Variants in KCNJ5 observed in about 807,000 individuals in gnomAD.
KCNJ5 encodes the protein G protein-activated inward rectifier potassium channel 4.
A neutral mutation model predicts 20.2 loss-of-function variants in KCNJ5; 12 were observed. The observed-to-expected ratio is 0.59, with a 90% CI of 0.38 to 0.96. The LOEUF (loss-of-function observed/expected upper bound fraction) is 0.96, where lower values mean the gene tolerates loss of function less well. KCNJ5 is among the 40% of genes least tolerant of loss of function. The pLI, the probability that KCNJ5 is intolerant of heterozygous loss-of-function variation, is 0.00. For missense variants in KCNJ5, 449 were observed against 557.6 expected (o/e 0.81, Z 1.96); for synonymous variants, 210 against 213.9 (o/e 0.98, Z 0.16).
chr11:128,900,313 C>T (rs1019715909), intron 1 of KCNJ5: 4 of 152,242 alleles, frequency 2.6e-5, no homozygotes, highest in African/African-American at 9.6e-5. Flanking sequence ...TAATCCTTCT[C>T]TCTCTGCCTT....
In KCNJ5 at chr11:128,919,380, C is replaced by T. The variant is rs2282513; in HGVS notation, c.*2649C>T. 0.19 allele frequency: 29,037 copies of T among 152,256 alleles called. 3,532 individuals carry two copies. Among genetic ancestry groups the T allele is most frequent in the Non-Finnish European group, 0.28 (18,939 of 68,024 alleles). 9.4% of individuals were successfully genotyped at this position (152,256 alleles called of 1,614,324 possible). A position where few individuals can be genotyped will look rare whatever the true frequency, so the allele number is the denominator to read the frequency against. ...GAAGCTCTGGCTAGAGGAGAGGAAGCGTGCAGAGGGTCCTCTGCCAAAGCT... is the reference window on the plus strand; with the variant it reads ...GAAGCTCTGGCTAGAGGAGAGGAAGTGTGCAGAGGGTCCTCTGCCAAAGCT... On this transcript the variant is annotated 3_prime_UTR_variant, in exon 3 of 3. Coordinates refer to ENST00000529694, the MANE Select transcript of KCNJ5 (RefSeq NM_000890.5).
chr11:128,897,184 G>A (rs1043244077), intron 1 of KCNJ5, among the ~76,000 whole-genome samples: 3 of 137,600 alleles, frequency 2.2e-5, no homozygotes, highest in East Asian at 2.3e-4. Context: ...TGCAACCTCC[G>A]CCTCCTGAGT....
intron 1 of KCNJ5, among the ~76,000 whole-genome samples, chr11:128,903,125 CT>C (rs563738287): frequency 6.9e-4 from 105 of 152,248 alleles, no homozygotes; most frequent in African/African-American, 2.3e-3. Flanking sequence ...CCACCACCCC[CT>C]ACCATGTCCC....
At chr11:128,904,643 T>TC (rs1394493179) in intron 1 of KCNJ5, 68 of 703,500 alleles carry the variant, frequency 9.7e-5, no homozygotes, top group Non-Finnish European at 1.4e-4. Flanking sequence ...TTTAGCCAGA[T>TC]CCCCAGGAAG....
chr11:128,912,668 G>A (rs1372543557), intron 2 of KCNJ5, among the ~76,000 whole-genome samples: 2 of 152,070 alleles, frequency 1.3e-5, no homozygotes, highest in Non-Finnish European at 2.9e-5. Context: ...CCGCCACTGC[G>A]CCTGGCTAAT....
chr11:128,903,623 T>A, intron 1 of KCNJ5: 1 of 1,166,900 alleles, frequency 8.6e-7, no homozygotes, highest in Non-Finnish European at 1.2e-6. Flanking sequence ...CTTCAGAGAG[T>A]GACGGGGCAC....
At chr11:128,895,387 C>T (rs71471483) in intron 1 of KCNJ5, among the ~76,000 whole-genome samples, 2 of 150,226 alleles carry the variant, frequency 1.3e-5, no homozygotes, top group African/African-American at 2.5e-5. Context: ...CCCCCACCCC[C>T]CCCCCAACCC....
At position 128,911,907 on chromosome 11, in the gene KCNJ5, G is replaced by A. The variant is rs1555145048; in HGVS notation, c.634G>A (p.Asp212Asn). The A allele has an allele frequency of 6.2e-7, 1 of 1,606,086 alleles. No homozygotes were observed. Among genetic ancestry groups the A allele is most frequent in the Non-Finnish European group, 8.5e-7 (1 of 1,174,264 alleles). ...FSNNAVISMR[D>N]EKLCLMFRVG... ...CAACAACGCAGTCATCTCCATGCGG[G>A]ACGAGAAGCTGTGCCTCATGTTCCG... is the stretch of plus-strand genomic sequence containing the variant. The change falls in exon 2 of 3, where the codon GAC (aspartate) becomes AAC (asparagine). Residue 212 changes from aspartate to asparagine, a missense_variant. Asp to Asn is a conservative substitution (Grantham distance 23, BLOSUM62 1). Around this residue, in one of 5 missense-constraint regions of KCNJ5, gnomAD observed 145 missense variants for 166.2 expected, o/e 0.87. Transcript: ENST00000529694. This position sits in a 1 kb window ranked among gnomAD's most constrained non-coding sequence, Gnocchi z 6.3.
chr11:128,891,441 C>CACACACAGAG lies in KCNJ5; in HGVS notation c.-290_-289insCACACAGAGA, dbSNP rs1160699929. ...ACACACACACACACACACACACACA[C>CACACACAGAG]AGAGAGAGAGAGAGAGAGAGAGAGA... is the stretch of plus-strand genomic sequence containing the variant. On this transcript the variant is annotated 5_prime_UTR_variant, in exon 1 of 3. Coordinates refer to ENST00000529694, the MANE Select transcript of KCNJ5 (RefSeq NM_000890.5). The CACACACAGAG allele has an allele frequency of 1.8e-5, 1 of 54,936 alleles. No homozygotes were observed. Among genetic ancestry groups the CACACACAGAG allele is most frequent in the East Asian group, 5.6e-4 (1 of 1,786 alleles). The allele number at this position is 54,936 out of a possible 1,614,324, so 3.4% of individuals were successfully genotyped here. A position where few individuals can be genotyped will look rare whatever the true frequency, so the allele number is the denominator to read the frequency against.
intron 1 of KCNJ5, among the ~76,000 whole-genome samples, chr11:128,899,313 T>C (rs4937384): frequency 0.2 from 30,060 of 152,228 alleles, 3,797 homozygotes; most frequent in East Asian, 0.45. Flanking sequence ...ATTGGGTATA[T>C]GGTACAGCCC....
At chr11:128,902,265 C>T (rs1323794750) in intron 1 of KCNJ5, 1 of 478,782 alleles carries the variant, frequency 2.1e-6, no homozygotes, top group Admixed American at 3.6e-5. Flanking sequence ...GCGCCAGGAA[C>T]CAGCTCAGGA....
At chr11:128,914,748 T>C (rs1413629029) in intron 2 of KCNJ5, among the ~76,000 whole-genome samples, 1 of 152,184 alleles carries the variant, frequency 6.6e-6, no homozygotes, top group Non-Finnish European at 1.5e-5. Flanking sequence ...TCCAAACGTA[T>C]TGAGCAATGA....
intron 1 of KCNJ5, among the ~76,000 whole-genome samples, chr11:128,895,364 C>G (rs1407388531): frequency 2.2e-5 from 3 of 137,470 alleles, no homozygotes; most frequent in Non-Finnish European, 4.7e-5. Flanking sequence ...CTGTGTCTTC[C>G]CCTTAGAGTG....
rs1944592637 is a variant in KCNJ5, at chr11:128,916,883, A to G, written c.*152A>G. On this transcript the variant is annotated 3_prime_UTR_variant, in exon 3 of 3. Coordinates refer to ENST00000529694, the MANE Select transcript of KCNJ5 (RefSeq NM_000890.5). ...GGGAGGAACCATAAACCCAGCCCTCACAGCTCCCAGCACAGGGCCTCCCTG... is the reference window on the plus strand; with the variant it reads ...GGGAGGAACCATAAACCCAGCCCTCGCAGCTCCCAGCACAGGGCCTCCCTG... 1 of 651,202 alleles carries G rather than the reference A, an allele frequency of 1.5e-6. No homozygotes were observed. Among genetic ancestry groups the G allele is most frequent in the Non-Finnish European group, 2.6e-6 (1 of 379,356 alleles). The allele number at this position is 651,202 out of a possible 1,614,324, so 40.3% of individuals were successfully genotyped here.
At chr11:128,903,457 G>A in intron 1 of KCNJ5, 2 of 1,614,200 alleles carry the variant, frequency 1.2e-6, no homozygotes, top group Non-Finnish European at 1.7e-6. Context: ...CTGCCCAGCT[G>A]AGAAATTCCA....
At chr11:128,893,817 C>G (rs1364657160) in intron 1 of KCNJ5, among the ~76,000 whole-genome samples, 1 of 152,248 alleles carries the variant, frequency 6.6e-6, no homozygotes, top group Admixed American at 6.5e-5. Flanking sequence ...CATGGCTTCC[C>G]TGGAGTCTGC....
intron 2 of KCNJ5, 52 bp downstream of exon 2, chr11:128,912,262 C>T (rs1210312026): frequency 7.1e-7 from 1 of 1,401,018 alleles, no homozygotes; most frequent in Non-Finnish European, 1.0e-6. Flanking sequence ...ACACTTCAGA[C>T]TTAGGCAACT....
chr11:128,904,547 AG>A, intron 1 of KCNJ5: 1 of 1,246,706 alleles, frequency 8.0e-7, no homozygotes, highest in Non-Finnish European at 1.2e-6. Context: ...GTGTGCACTG[AG>A]GACCAGCCGC....
Position 128,915,754 on chromosome 11 carries a change from A to G in KCNJ5, c.938-655A>G, listed in dbSNP as rs559366961. 3.3e-5 allele frequency among the ~76,000 whole-genome samples: 5 copies of G among 152,352 alleles called. No individual in the cohort carries two copies. The South Asian group carries it at 8.3e-4, about 25-fold the overall frequency. On this transcript the variant is annotated intron_variant, in intron 2 of 2. Transcript: ENST00000529694. ...ATGTTCATGAAATGCTTGATGAGTGATTGGATGGTTGAAGGAATGCATGAA... is the reference window on the plus strand; with the variant it reads ...ATGTTCATGAAATGCTTGATGAGTGGTTGGATGGTTGAAGGAATGCATGAA...
Sources: gnomAD v4.1 joint callset for allele counts (sites outside exome capture counted in the v4.1 genomes callset) on GRCh38, gnomAD v4.1.1 for gene constraint, gnomAD v4.1.1 regional missense constraint, Gnocchi (gnomAD v3.1) non-coding constraint, MANE v1.5 for transcripts, NCBI Gene and HGNC (gene_info 2026-07-23, HGNC 2026-07-21) for gene names.